GRM7: variants seen among roughly 807,000 people sequenced by gnomAD.
GRM7 encodes glutamate metabotropic receptor 7, also known as metabotropic glutamate receptor 7.
GRM7 carries 35 observed loss-of-function variants against 84.5 expected under a neutral mutation model. The ratio of observed to expected loss-of-function variants is 0.41; its 90% CI spans 0.32 to 0.55. The LOEUF is 0.55. Among genes scored for constraint, GRM7 ranks in the 20% least tolerant of loss-of-function variants. The pLI is 0.19. For synonymous variants in GRM7, 487 were observed against 455.1 expected, an observed-to-expected ratio of 1.07 and a Z score of -0.89; for missense variants, 1,003 against 1,194.6, an observed-to-expected ratio of 0.84 and a Z score of 2.36.
At chr3:7,545,491 G>A (rs1051820973) in intron 7 of GRM7, among the ~76,000 whole-genome samples, 5 of 152,304 alleles carry the variant, frequency 3.3e-5, no homozygotes, top group Middle Eastern at 3.4e-3. Flanking sequence ...CTACCTGAAA[G>A]CCCTCTGTAG....
At chr3:7,259,177 A>G (rs191963198) in intron 2 of GRM7, among the ~76,000 whole-genome samples, 1 of 152,358 alleles carries the variant, frequency 6.6e-6, no homozygotes, top group African/African-American at 2.4e-5. Context: ...GTAAATTGGC[A>G]TTCCAAAGCT....
intron 2 of GRM7, among the ~76,000 whole-genome samples, chr3:7,225,454 TAAAG>T (rs1475158443): frequency 6.8e-6 from 1 of 147,694 alleles, no homozygotes; most frequent in South Asian, 2.1e-4. Context: ...CTTGATATAT[TAAAG>T]AAATTATAAT....
rs558788083 is a variant in GRM7 at position 7,523,338 on chromosome 3, C to T, written c.1516-55084C>T. On this transcript the variant is annotated intron_variant, in intron 7 of 9. Transcript: ENST00000357716. ...TTGCCTATTTCCTCTCCCCTATGTC[C>T]CTAATTAATCCTTGAAACCAGGCTT... 3.9e-5 allele frequency among the ~76,000 whole-genome samples: 6 copies of T among 152,120 alleles called. No homozygotes were observed. The South Asian group carries it at 1.2e-3, about 32-fold the overall frequency.
chr3:7,511,329 A>C (rs1013772276), intron 7 of GRM7, among the ~76,000 whole-genome samples: 19 of 151,728 alleles, frequency 1.3e-4, no homozygotes, highest in Admixed American at 7.9e-4. Context: ...TTAAAATCAC[A>C]CCTGAGTAAA....
Position 7,375,228 on chromosome 3 carries a change from T to C in GRM7, c.1034-39795T>C, listed in dbSNP as rs573966612. Among the ~76,000 whole-genome samples, 906 of 149,586 alleles carry C rather than the reference T, an allele frequency of 6.1e-3. 12 individuals carry two copies. The highest frequency in any genetic ancestry group is 0.021 in the African/African-American group (867 of 40,388). On this transcript the variant is annotated intron_variant, in intron 4 of 9. Coordinates refer to ENST00000357716, the MANE Select transcript of GRM7 (RefSeq NM_000844.4). ...TTAAACATCCCCTTTTTTTTTTTTT[T>C]TTTTTTTGAGATGGAGTCTCACTCT...
rs927164353 is a variant in GRM7 at position 7,199,981 on chromosome 3, G to C, written c.736+53313G>C. Among the ~76,000 whole-genome samples the C allele has an allele frequency of 7.2e-5, 11 of 152,332 alleles. No individual in the cohort carries two copies. In the East Asian group the frequency reaches 1.7e-3, roughly 24 times the overall value. On this transcript the variant is annotated intron_variant, in intron 2 of 9. Transcript: ENST00000357716. ...ATTTAGCCTCCATTCTACAGGCTGG[G>C]AAGTTCAAGTGCATAGTGCTGCACC...
intron 8 of GRM7, among the ~76,000 whole-genome samples, chr3:7,594,433 G>C (rs1406889237): frequency 6.6e-6 from 1 of 152,124 alleles, no homozygotes; most frequent in Non-Finnish European, 1.5e-5. Context: ...CAGTCTGCTA[G>C]GTACTAGGGA....
At chr3:6,907,137 T>C (rs1696607780) in intron 1 of GRM7, among the ~76,000 whole-genome samples, 1 of 152,160 alleles carries the variant, frequency 6.6e-6, no homozygotes, top group South Asian at 2.1e-4. Flanking sequence ...ACTCCTGGGC[T>C]CAAGCGATGC....
At chr3:7,673,958 G>C (rs1486994056) in intron 8 of GRM7, among the ~76,000 whole-genome samples, 2 of 152,124 alleles carry the variant, frequency 1.3e-5, no homozygotes, top group African/African-American at 2.4e-5. Context: ...AGCAGACCAG[G>C]TTAAGTACTG....
intron 9 of GRM7, chr3:7,686,564 G>T: frequency 1.7e-6 from 1 of 596,984 alleles, no homozygotes; most frequent in Non-Finnish European, 3.1e-6. Context: ...AGGAAGAAAT[G>T]AATTTTCAAA....
intron 1 of GRM7, among the ~76,000 whole-genome samples, chr3:6,970,918 G>A (rs530602320): frequency 6.6e-6 from 1 of 152,146 alleles, no homozygotes; most frequent in South Asian, 2.1e-4. Flanking sequence ...GGAGGCTGAG[G>A]TTGCAGTGAG....
chr3:7,275,042 G>A (rs112116971), intron 2 of GRM7, among the ~76,000 whole-genome samples: 1,561 of 151,936 alleles, frequency 0.01, 24 homozygotes, highest in African/African-American at 0.035. Context: ...ATATGCTTAC[G>A]CTCAAATATT....
intron 4 of GRM7, among the ~76,000 whole-genome samples, chr3:7,350,761 T>A (rs779619068): frequency 6.6e-6 from 1 of 152,102 alleles, no homozygotes; most frequent in Non-Finnish European, 1.5e-5. Flanking sequence ...CCATTGAGGT[T>A]GTTTTGGGTT....
At chr3:7,567,103 A>T (rs1407987168) in intron 7 of GRM7, among the ~76,000 whole-genome samples, 1 of 152,112 alleles carries the variant, frequency 6.6e-6, no homozygotes, top group Non-Finnish European at 1.5e-5. Flanking sequence ...GGTGGGGAAA[A>T]ATGTTTCTTA....
intron 8 of GRM7, among the ~76,000 whole-genome samples, chr3:7,656,520 A>G (rs560813583): frequency 1.1e-5 from 1 of 89,506 alleles, no homozygotes; most frequent in African/African-American, 5.2e-5. Flanking sequence ...CAAATAAAAA[A>G]AAATATATAT....
At chr3:6,936,864 C>T (rs1445921675) in intron 1 of GRM7, among the ~76,000 whole-genome samples, 1 of 152,146 alleles carries the variant, frequency 6.6e-6, no homozygotes, top group Admixed American at 6.5e-5. Flanking sequence ...ATACTGCTTT[C>T]AAATTGTGAA....
chr3:7,433,353 A>T (rs1269027016), intron 5 of GRM7, among the ~76,000 whole-genome samples: 1 of 152,182 alleles, frequency 6.6e-6, no homozygotes, highest in East Asian at 1.9e-4. Context: ...GTTCTTTCTG[A>T]TGGAGAAACA....
intron 4 of GRM7, among the ~76,000 whole-genome samples, chr3:7,360,102 A>G (rs10866079): frequency 0.56 from 80,942 of 145,626 alleles, 25,878 homozygotes; most frequent in African/African-American, 0.74. Flanking sequence ...TGGCAAGCAT[A>G]AGGGTATCTC....
In GRM7 at chr3:7,298,675, C is replaced by T. The variant is rs749560719; in HGVS notation, c.737-9C>T. The stretch of plus-strand genomic sequence containing the variant: ...CATTATTGACACTATGTTTTCTTCT[C>T]TTAAACAGGTGGACTCTGCATTGCC... On this transcript the variant is annotated splice_polypyrimidine_tract_variant and intron_variant, in intron 2 of 9. Transcript: ENST00000357716. 1 of 1,611,920 alleles carries T rather than the reference C, an allele frequency of 6.2e-7. No homozygotes were observed. The highest frequency in any genetic ancestry group is 8.5e-7 in the Non-Finnish European group (1 of 1,178,436).
Sources: gnomAD v4.1 joint callset for allele counts (sites outside exome capture counted in the v4.1 genomes callset) on GRCh38, gnomAD v4.1.1 for gene constraint, MANE v1.5 for transcripts, NCBI Gene and HGNC (gene_info 2026-07-23, HGNC 2026-07-21) for gene names.